CDC14A: variants seen among roughly 807,000 people sequenced by gnomAD.
The protein encoded by CDC14A is cell division cycle 14A.
In CDC14A, 53 loss-of-function variants were observed where a neutral mutation model predicts 74.4. The observed-to-expected ratio is 0.71, with a 90% CI of 0.57 to 0.89. The LOEUF is 0.89. Ranked by LOEUF, CDC14A falls within the 40% of genes least tolerant of loss-of-function variation. The pLI, the probability that CDC14A is intolerant of heterozygous loss-of-function variation, is 0.00. For missense variants in CDC14A, 646 were observed against 713.7 expected, an observed-to-expected ratio of 0.91 and a Z score of 1.08; for synonymous variants, 247 against 258.4, an observed-to-expected ratio of 0.96 and a Z score of 0.43.
At chr1:100,384,678 C>A (rs1161500453) in intron 3 of CDC14A, among the ~76,000 whole-genome samples, 1 of 152,224 alleles carries the variant, frequency 6.6e-6, no homozygotes, top group African/African-American at 2.4e-5. Flanking sequence ...AATTGGTCAC[C>A]TGTGGCCTGC....
At chr1:100,432,398 C>T (rs1024386921) in intron 5 of CDC14A, among the ~76,000 whole-genome samples, 1 of 152,164 alleles carries the variant, frequency 6.6e-6, no homozygotes, top group Non-Finnish European at 1.5e-5. Context: ...GCTGAACTGT[C>T]CAGTATGTTA....
chr1:100,478,004 A>C (rs1645742009), intron 10 of CDC14A, among the ~76,000 whole-genome samples: 1 of 152,152 alleles, frequency 6.6e-6, no homozygotes, highest in African/African-American at 2.4e-5. Flanking sequence ...GTTGTTGATG[A>C]ATTTACTTAT....
At chr1:100,485,330 G>A (rs1669920716) in intron 11 of CDC14A, 1 of 982,068 alleles carries the variant, frequency 1.0e-6, no homozygotes, top group Non-Finnish European at 1.2e-6. Flanking sequence ...TACCTGAGGT[G>A]AAGCTAAGTA....
intron 15 of CDC14A, among the ~76,000 whole-genome samples, chr1:100,513,098 T>C (rs1340578559): frequency 2.0e-5 from 3 of 152,194 alleles, no homozygotes; most frequent in African/African-American, 7.2e-5. Context: ...ACCACAGTTA[T>C]GGAAATAAGT....
At chr1:100,444,027 A>G (rs1665254712) in intron 7 of CDC14A, among the ~76,000 whole-genome samples, 1 of 152,168 alleles carries the variant, frequency 6.6e-6, no homozygotes, top group Non-Finnish European at 1.5e-5. Flanking sequence ...GGCTGTTTGG[A>G]TATTCTGTTT....
intron 7 of CDC14A, among the ~76,000 whole-genome samples, chr1:100,447,059 T>A (rs1490806060): frequency 2.0e-5 from 3 of 152,148 alleles, no homozygotes; most frequent in African/African-American, 7.2e-5. Context: ...TTCAAGTGCA[T>A]AGTAGCCACA....
intron 7 of CDC14A, among the ~76,000 whole-genome samples, chr1:100,452,239 C>T (rs1666213972): frequency 6.6e-6 from 1 of 152,068 alleles, no homozygotes; most frequent in Non-Finnish European, 1.5e-5. Context: ...TGGCCGGGTG[C>T]AGTGGCTCAT....
chr1:100,476,624 A>T (rs200949094), intron 10 of CDC14A, among the ~76,000 whole-genome samples: 11 of 118,986 alleles, frequency 9.2e-5, no homozygotes, highest in Admixed American at 1.7e-4. Flanking sequence ...TTTTTTTTTT[A>T]AATATATATA....
chr1:100,518,246 C>A lies in CDC14A; in HGVS notation c.1756-5C>A, dbSNP rs1650404958. 1.2e-6 allele frequency: 2 copies of A among 1,610,252 alleles called. No homozygotes were observed. Among genetic ancestry groups the A allele is most frequent in the East Asian group, 2.2e-5 (1 of 44,782 alleles). On this transcript the variant is annotated splice_polypyrimidine_tract_variant and splice_region_variant and intron_variant, in intron 15 of 15. Coordinates refer to ENST00000336454, the MANE Select transcript of CDC14A (RefSeq NM_003672.4). The stretch of plus-strand genomic sequence containing the variant: ...TAACCTCAGTTTATGTCTCTCCCTG[C>A]ACAGTCCCTTCAGTCTGAATATGTT...
At chr1:100,440,698 A>G (rs192594720) in intron 6 of CDC14A, among the ~76,000 whole-genome samples, 1 of 152,318 alleles carries the variant, frequency 6.6e-6, no homozygotes, top group East Asian at 1.9e-4. Context: ...TAGGACATAT[A>G]TAATAATGTC....
chr1:100,456,615 G>A (rs1371047840), intron 8 of CDC14A, among the ~76,000 whole-genome samples: 7 of 150,202 alleles, frequency 4.7e-5, no homozygotes, highest in African/African-American at 1.5e-4. Flanking sequence ...GACCAGCCTC[G>A]GCAACATAGC....
rs2100948826 is a variant in CDC14A at position 100,377,619 on chromosome 1, A to G, written c.214A>G (p.Lys72Glu). 1.9e-6 allele frequency: 3 copies of G among 1,606,918 alleles called. No individual in the cohort carries two copies. The highest frequency in any genetic ancestry group is 2.6e-6 in the Non-Finnish European group (3 of 1,173,630). ...RYCCKLNKKLKSYSLSRKKIV... is the reference protein window; with the variant it reads ...RYCCKLNKKLESYSLSRKKIV... Reference sequence around the variant, plus strand: ...TTGCTGCAAACTAAACAAGAAACTAAAAGTGAGTATTGTAGTGATATTTAT... The same window carrying G: ...TTGCTGCAAACTAAACAAGAAACTAGAAGTGAGTATTGTAGTGATATTTAT... Residue 72 changes from lysine (K) to glutamate (E), a missense_variant and splice_region_variant, in exon 3 of 16, where the codon AAA (lysine) becomes GAA (glutamate). Coordinates refer to ENST00000336454, the MANE Select transcript of CDC14A (RefSeq NM_003672.4).
intron 15 of CDC14A, among the ~76,000 whole-genome samples, chr1:100,505,928 T>A (rs1316340200): frequency 6.6e-6 from 1 of 151,964 alleles, no homozygotes; most frequent in Non-Finnish European, 1.5e-5. Flanking sequence ...ATCTTGTGTA[T>A]CACATGGCAA....
At chr1:100,484,591 T>C (rs925476471) in intron 11 of CDC14A, 140 bp downstream of exon 11, 3 of 1,272,628 alleles carry the variant, frequency 2.4e-6, no homozygotes, top group South Asian at 6.4e-5. Context: ...CATCCGTCTA[T>C]ATAGCAAGAA....
At chr1:100,422,630 TC>T (rs1662500516) in intron 4 of CDC14A, among the ~76,000 whole-genome samples, 1 of 152,232 alleles carries the variant, frequency 6.6e-6, no homozygotes, top group African/African-American at 2.4e-5. Context: ...ATTTTTAGAA[TC>T]TGTGCCTCTT....
At chr1:100,483,455 C>G (rs1015454501) in intron 10 of CDC14A, among the ~76,000 whole-genome samples, 3 of 152,030 alleles carry the variant, frequency 2.0e-5, no homozygotes, top group Non-Finnish European at 4.4e-5. Flanking sequence ...CTTGATGATG[C>G]AATTATTTCA....
chr1:100,492,317 T>A (rs1274537726), intron 11 of CDC14A, among the ~76,000 whole-genome samples: 3 of 152,154 alleles, frequency 2.0e-5, no homozygotes, highest in African/African-American at 7.2e-5. Context: ...AAAATATCAG[T>A]CTCCTTTCTC....
intron 4 of CDC14A, among the ~76,000 whole-genome samples, chr1:100,416,551 A>G (rs1372126156): frequency 6.6e-6 from 1 of 152,158 alleles, no homozygotes; most frequent in African/African-American, 2.4e-5. Context: ...GAACTAAATC[A>G]TGGTCTTATT....
chr1:100,375,384 A>G (rs1233264871), intron 2 of CDC14A, among the ~76,000 whole-genome samples: 1 of 152,246 alleles, frequency 6.6e-6, no homozygotes, highest in Non-Finnish European at 1.5e-5. Flanking sequence ...GTAAGAAACC[A>G]TTAAACATTT....
Sources: gnomAD v4.1 joint callset for allele counts (sites outside exome capture counted in the v4.1 genomes callset) on GRCh38, gnomAD v4.1.1 for gene constraint, MANE v1.5 for transcripts, NCBI Gene and HGNC (gene_info 2026-07-23, HGNC 2026-07-21) for gene names.